The following DNM3 variants were observed in gnomAD, a reference collection of about 807,000 sequenced individuals.
DNM3 encodes dynamin 3.
A neutral mutation model predicts 101.6 loss-of-function variants in DNM3; 47 were observed. The observed-to-expected ratio is 0.46, with a 90% CI of 0.37 to 0.59. DNM3 has a LOEUF of 0.59. DNM3 is among the 20% of genes least tolerant of loss of function. The pLI is 0.00. For synonymous variants in DNM3, 385 were observed against 387.9 expected (o/e 0.99, Z 0.09); for missense variants, 849 against 1,085.7 (o/e 0.78, Z 3.06).
In DNM3 at chr1:172,068,826, A is replaced by G; in HGVS notation, c.1343A>G (p.Asn448Ser). 1 of 1,569,838 alleles carries G rather than the reference A, an allele frequency of 6.4e-7. No individual in the cohort carries two copies. The change falls in exon 11 of 21, where the codon AAC becomes AGC. Residue 448 changes from asparagine (N) to serine (S), a missense_variant. Physicochemically the swap from Asn to Ser is conservative, Grantham distance 46 (BLOSUM62 1). This residue lies in a region of DNM3 where 193 missense variants were observed against 238.4 expected (regional missense o/e 0.81). Transcript: ENST00000627582. ...TVKKCTKKLA[N>S]FPRLCEETER... ...ATCTGCTTTTCTTGACAGCTGGCAA[A>G]CTTCCCCAGACTCTGCGAGGAAACG... is the stretch of plus-strand genomic sequence containing the variant.
At chr1:172,152,947 G>A (rs1198289633) in intron 14 of DNM3, among the ~76,000 whole-genome samples, 1 of 152,154 alleles carries the variant, frequency 6.6e-6, no homozygotes, top group Non-Finnish European at 1.5e-5. Flanking sequence ...AAACACTAAA[G>A]CCAAGTGTTT....
chr1:172,091,660 G>A lies in DNM3; in HGVS notation c.1494-1164G>A, dbSNP rs77288978. Among the ~76,000 whole-genome samples, 442 of 152,282 alleles carry A rather than the reference G, an allele frequency of 2.9e-3. 1 individual carries two copies. The highest frequency in any genetic ancestry group is 0.01 in the African/African-American group (424 of 41,574). ...GAGATGAGTCAAAGAGGCAGTAGTG[G>A]GGGTTGCTTGAGTAGGGCCTTGTAG... On this transcript the variant is annotated intron_variant, in intron 12 of 20. Transcript: ENST00000627582.
intron 15 of DNM3, among the ~76,000 whole-genome samples, chr1:172,266,376 C>T (rs1461937923): frequency 6.6e-6 from 1 of 151,976 alleles, no homozygotes; most frequent in Non-Finnish European, 1.5e-5. Flanking sequence ...ATTACTCTTC[C>T]ATAAATAGGG....
chr1:172,231,151 G>A (rs1384905062), intron 14 of DNM3, among the ~76,000 whole-genome samples: 1 of 149,082 alleles, frequency 6.7e-6, no homozygotes, highest in African/African-American at 2.4e-5. Context: ...CTCCCAGTTA[G>A]GCTACTTGGC....
chr1:172,354,112 T>TGTGAGAGAGAGAGAGAGAGAGAGAGA lies in DNM3; in HGVS notation c.1894-24905_1894-24904insTGAGAGAGAGAGAGAGAGAGAGAGAG, dbSNP rs138540712. ...GGGTGTGTGTGTGTGTGTGTGTGTG[T>TGTGAGAGAGAGAGAGAGAGAGAGAGA]GAGAGAGAGAGAGAGAGAGAGAGAG... is the stretch of plus-strand genomic sequence containing the variant. On this transcript the variant is annotated intron_variant, in intron 17 of 20. Coordinates refer to ENST00000627582, the MANE Select transcript of DNM3 (RefSeq NM_015569.5). 6.6e-4 allele frequency among the ~76,000 whole-genome samples: 63 copies of TGTGAGAGAGAGAGAGAGAGAGAGAGA among 94,958 alleles called. 1 individual carries two copies. Among genetic ancestry groups the TGTGAGAGAGAGAGAGAGAGAGAGAGA allele is most frequent in the African/African-American group, 1.8e-3 (41 of 22,608 alleles). The allele number at this position is 94,958 out of a possible 152,430, so 62.3% of individuals were successfully genotyped here. A position where few individuals can be genotyped will look rare whatever the true frequency, so the allele number is the denominator to read the frequency against.
intron 16 of DNM3, among the ~76,000 whole-genome samples, chr1:172,317,933 A>G (rs1431188839): frequency 2.0e-5 from 3 of 152,198 alleles, no homozygotes; most frequent in East Asian, 3.8e-4. Context: ...AGACACAACC[A>G]AAAAAGAGAA....
In DNM3 at chr1:172,131,209, T is replaced by C. The variant is rs373398423; in HGVS notation, c.1580T>C (p.Ile527Thr). 9 of 1,613,294 alleles carry C rather than the reference T, an allele frequency of 5.6e-6. No homozygotes were observed. The highest frequency in any genetic ancestry group is 1.7e-5 in the Admixed American group (1 of 59,910). The change falls in exon 14 of 21, where the codon ATT (isoleucine) becomes ACT (threonine). Residue 527 changes from isoleucine (I) to threonine (T), a missense_variant. This residue lies in a region of DNM3 where 193 missense variants were observed against 238.4 expected (regional missense o/e 0.81). Transcript: ENST00000627582. Reference protein sequence around the residue: ...IRKGWLTISNIGIMKGGSKGY... With the variant: ...IRKGWLTISNTGIMKGGSKGY... ...AAGGGGTGGCTCACCATCAGCAACA[T>C]TGGCATCATGAAAGGCGGCTCGAAG...
At chr1:172,041,728 G>A (rs1400000552) in intron 7 of DNM3, among the ~76,000 whole-genome samples, 3 of 152,086 alleles carry the variant, frequency 2.0e-5, no homozygotes, top group Non-Finnish European at 2.9e-5. Flanking sequence ...TATTTCAAGT[G>A]TTCTTTAAAT....
chr1:172,292,648 G>A (rs138873887), intron 15 of DNM3, among the ~76,000 whole-genome samples: 1,724 of 151,376 alleles, frequency 0.011, 40 homozygotes, highest in African/African-American at 0.039. Context: ...TTCCTTACAC[G>A]CAACTATTAA....
At chr1:172,371,645 A>T (rs930848612) in intron 17 of DNM3, among the ~76,000 whole-genome samples, 6 of 151,830 alleles carry the variant, frequency 4.0e-5, no homozygotes. Context: ...ACAGAAATTA[A>T]GGCTTAGAGA....
intron 14 of DNM3, among the ~76,000 whole-genome samples, chr1:172,186,514 G>A (rs1158755026): frequency 6.6e-6 from 1 of 152,016 alleles, no homozygotes; most frequent in Non-Finnish European, 1.5e-5. Flanking sequence ...GAAGGACAAT[G>A]CTGTCCCCCC....
At chr1:172,392,837 T>G (rs9425300) in intron 20 of DNM3, among the ~76,000 whole-genome samples, 73,693 of 152,072 alleles carry the variant, frequency 0.48, 20,573 homozygotes, top group East Asian at 0.87. Flanking sequence ...GTATGATGGT[T>G]TCTCTTTAAA....
intron 2 of DNM3, among the ~76,000 whole-genome samples, chr1:171,978,716 A>G (rs2044564139): frequency 6.6e-6 from 1 of 152,186 alleles, no homozygotes; most frequent in Admixed American, 6.5e-5. Flanking sequence ...GTGGAGTCAG[A>G]AAGACCAGTT....
chr1:172,337,693 A>G (rs2148950034), intron 17 of DNM3, among the ~76,000 whole-genome samples: 1 of 152,216 alleles, frequency 6.6e-6, no homozygotes, highest in East Asian at 1.9e-4. Flanking sequence ...GGAAGAGACC[A>G]TGAGTGTCCA....
chr1:172,092,767 T>C (rs2053999325), intron 12 of DNM3, 57 bp from the exon 13 acceptor site: 2 of 1,502,806 alleles, frequency 1.3e-6, no homozygotes, highest in Non-Finnish European at 1.8e-6. Flanking sequence ...ATTTGTTACT[T>C]GTTTAGGAAA....
Position 172,412,515 on chromosome 1 carries a change from ATTCT to A in DNM3, c.*4677_*4680del, listed in dbSNP as rs1166652069. On this transcript the variant is annotated 3_prime_UTR_variant, in exon 21 of 21. Coordinates refer to ENST00000627582, the MANE Select transcript of DNM3 (RefSeq NM_015569.5). ...AAGTAAAATCTTGTCTTCTCTGCTG[ATTCT>A]TTAATTAATATGAGCCGGATACTTT... The A allele has an allele frequency of 1.0e-6, 1 of 985,558 alleles. No individual in the cohort carries two copies. The highest frequency in any genetic ancestry group is 1.2e-6 in the Non-Finnish European group (1 of 829,894). The allele number at this position is 985,558 out of a possible 1,614,324, so 61.1% of individuals were successfully genotyped here.
chr1:171,850,767 G>GT (rs367677909), intron 1 of DNM3, among the ~76,000 whole-genome samples: 16,310 of 139,670 alleles, frequency 0.12, 1,040 homozygotes, highest in South Asian at 0.24. Context: ...TTAGGGCTTT[G>GT]TTTTTTTTTT....
chr1:172,213,881 T>A (rs1250706364), intron 14 of DNM3, among the ~76,000 whole-genome samples: 1 of 151,068 alleles, frequency 6.6e-6, no homozygotes, highest in African/African-American at 2.4e-5. Flanking sequence ...CTAGAAATGA[T>A]TCTGCAAGCA....
intron 17 of DNM3, among the ~76,000 whole-genome samples, chr1:172,354,112 T>TGTGTGAGAGA (rs138540712): frequency 9.0e-4 from 85 of 94,966 alleles, no homozygotes; most frequent in African/African-American, 3.0e-3. Context: ...TGTGTGTGTG[T>TGTGTGAGAGA]GAGAGAGAGA....
Sources: gnomAD v4.1 joint callset for allele counts (sites outside exome capture counted in the v4.1 genomes callset) on GRCh38, gnomAD v4.1.1 for gene constraint, gnomAD v4.1.1 regional missense constraint, MANE v1.5 for transcripts, NCBI Gene and HGNC (gene_info 2026-07-23, HGNC 2026-07-21) for gene names.